Variants in TENM2 observed in about 807,000 individuals in gnomAD.
TENM2 encodes the protein teneurin-2.
TENM2 carries 52 observed loss-of-function variants against 245.2 expected under a neutral mutation model. The ratio of observed to expected loss-of-function variants is 0.21; its 90% confidence interval spans 0.17 to 0.27. The LOEUF (loss-of-function observed/expected upper bound fraction) is 0.27. TENM2 is among the 10% of genes least tolerant of loss of function. TENM2 has a pLI of 1.00. For missense variants in TENM2, 3,046 were observed against 3,666.8 expected (o/e 0.83, Z 4.37); for synonymous variants, 1,363 against 1,438.9 (o/e 0.95, Z 1.19).
the TENM2 span, among the ~76,000 whole-genome samples, chr5:167,130,243 T>C: frequency 3.3e-5 from 5 of 152,188 alleles, no homozygotes; most frequent in African/African-American, 9.7e-5. Context: ...TCTCTGGACA[T>C]AGAAATACAG....
intron 5 of TENM2, among the ~76,000 whole-genome samples, chr5:167,995,459 G>A (rs1783984439): frequency 6.6e-6 from 1 of 152,122 alleles, no homozygotes; most frequent in African/African-American, 2.4e-5. Flanking sequence ...TCAAAAAATA[G>A]TTTATGACAC....
chr5:167,403,092 A>G (rs1762448723), intron 2 of TENM2, among the ~76,000 whole-genome samples: 1 of 152,048 alleles, frequency 6.6e-6, no homozygotes, highest in Admixed American at 6.6e-5. Flanking sequence ...CTCTCTAAAG[A>G]TTTACCAGCT....
intron 3 of TENM2, chr5:167,934,755 A>G (rs1778563294): frequency 1.8e-6 from 1 of 565,424 alleles, no homozygotes; most frequent in Non-Finnish European, 2.2e-6. Flanking sequence ...CCGTCTTCCC[A>G]CAAGGAAACT....
intron 2 of TENM2, among the ~76,000 whole-genome samples, chr5:167,700,332 A>G (rs1758055127): frequency 6.6e-6 from 1 of 152,228 alleles, no homozygotes; most frequent in Admixed American, 6.5e-5. Context: ...CCTGCTAAGT[A>G]CTAGGGGTTG....
intron 2 of TENM2, among the ~76,000 whole-genome samples, chr5:167,426,688 A>C (rs930146452): frequency 6.6e-6 from 1 of 152,158 alleles, no homozygotes; most frequent in African/African-American, 2.4e-5. Context: ...GATCTGTCAG[A>C]TCTATCAAAA....
intron 1 of TENM2, among the ~76,000 whole-genome samples, chr5:167,351,529 C>T (rs1306164318): frequency 6.6e-6 from 1 of 152,176 alleles, no homozygotes; most frequent in Non-Finnish European, 1.5e-5. Context: ...TTTGCAGTGA[C>T]AGTTCTATGG....
intron 2 of TENM2, among the ~76,000 whole-genome samples, chr5:167,420,167 A>G (rs377666389): frequency 1.2e-4 from 18 of 152,346 alleles, no homozygotes; most frequent in South Asian, 4.1e-4. Context: ...CTTGGAAAGC[A>G]CGTGTCCGTG....
At chr5:167,393,835 C>T (rs1011371517) in intron 2 of TENM2, among the ~76,000 whole-genome samples, 4 of 152,024 alleles carry the variant, frequency 2.6e-5, no homozygotes, top group Non-Finnish European at 5.9e-5. Flanking sequence ...GGGACAATAG[C>T]GGTAGGAAGA....
intron 1 of TENM2, among the ~76,000 whole-genome samples, chr5:167,336,346 C>T (rs373691515): frequency 1.5e-4 from 23 of 151,576 alleles, no homozygotes; most frequent in East Asian, 1.2e-3. Context: ...CAAGCTGGGG[C>T]AGCCATAGCC....
In TENM2 at chr5:167,993,964, G is replaced by A. The variant is rs188563277; in HGVS notation, c.1186+782G>A. Among the ~76,000 whole-genome samples, 220 of 152,368 alleles carry A rather than the reference G, an allele frequency of 1.4e-3. 2 individuals carry two copies. The highest frequency in any genetic ancestry group is 5.0e-3 in the African/African-American group (207 of 41,590). On this transcript the variant is annotated intron_variant, in intron 5 of 28. Coordinates refer to ENST00000518659, the Ensembl canonical transcript of TENM2. Reference sequence around the variant, plus strand: ...CCACAGAAAGTGGCAGATGCTGAGCGCCCAGGGGCAGGGTGCCACGTGCAT... The same window carrying A: ...CCACAGAAAGTGGCAGATGCTGAGCACCCAGGGGCAGGGTGCCACGTGCAT...
chr5:168,218,892 C>T lies in TENM2; in HGVS notation c.5001C>T (p.Leu1667=), dbSNP rs775502401. 1 of 1,613,994 alleles carries T rather than the reference C, an allele frequency of 6.2e-7. No homozygotes were observed. Among genetic ancestry groups the T allele is most frequent in the South Asian group, 1.1e-5 (1 of 91,076 alleles). ...TCACCGTGGGCACCAATGGAGGCCT[C>T]AAAGTCGTGTCCACACAGAACCTGG... is the stretch of plus-strand genomic sequence containing the variant. The change falls in exon 23 of 29, where the codon CTC becomes CTT. Residue 1667 remains leucine, a synonymous_variant. Coordinates refer to ENST00000518659, the Ensembl canonical transcript of TENM2. The surrounding 1 kb of genome is among the most constrained non-coding windows in gnomAD (Gnocchi z 5.2).
intron 2 of TENM2, among the ~76,000 whole-genome samples, chr5:167,616,168 C>T (rs1425269272): frequency 6.6e-6 from 1 of 152,040 alleles, no homozygotes; most frequent in Non-Finnish European, 1.5e-5. Flanking sequence ...ATAATCACAC[C>T]CTAGTTGTTG....
chr5:167,714,727 A>G (rs1037719354), intron 2 of TENM2, among the ~76,000 whole-genome samples: 1 of 152,142 alleles, frequency 6.6e-6, no homozygotes, highest in African/African-American at 2.4e-5. Flanking sequence ...ACCAGCACCA[A>G]TCCTATGAGG....
chr5:167,273,010 A>G, the TENM2 span, among the ~76,000 whole-genome samples: 13 of 151,556 alleles, frequency 8.6e-5, no homozygotes, highest in East Asian at 9.7e-4. Context: ...ATACAATAGC[A>G]CACACACACA....
At chr5:167,730,326 A>T (rs1760332167) in intron 2 of TENM2, among the ~76,000 whole-genome samples, 1 of 152,222 alleles carries the variant, frequency 6.6e-6, no homozygotes, top group Non-Finnish European at 1.5e-5. Flanking sequence ...AGACAAAGGT[A>T]TGAGTAATAC....
the TENM2 span, among the ~76,000 whole-genome samples, chr5:167,099,072 T>C: frequency 1.3e-5 from 2 of 152,244 alleles, no homozygotes; most frequent in Non-Finnish European, 2.9e-5. Flanking sequence ...ATTTTTTTCA[T>C]CTGAAATGTT....
At chr5:167,581,985 A>G (rs1775128815) in intron 2 of TENM2, among the ~76,000 whole-genome samples, 2 of 152,184 alleles carry the variant, frequency 1.3e-5, no homozygotes, top group African/African-American at 2.4e-5. Context: ...TACATTTTAC[A>G]TGTCTTGCCT....
intron 2 of TENM2, among the ~76,000 whole-genome samples, chr5:167,615,134 C>T (rs2127757813): frequency 6.6e-6 from 1 of 152,246 alleles, no homozygotes; most frequent in Non-Finnish European, 1.5e-5. Context: ...CAGAACAAAA[C>T]ATACATTTTT....
intron 25 of TENM2, among the ~76,000 whole-genome samples, chr5:168,236,969 TATATATATATATATATATATA>T (rs1765525353): frequency 4.2e-4 from 3 of 7,164 alleles, no homozygotes; most frequent in Non-Finnish European, 7.4e-4. Flanking sequence ...TATATATATA[TATATATATATATATATATATA>T]TATATATATA....
Sources: allele counts gnomAD v4.1 joint callset (sites outside exome capture counted in the v4.1 genomes callset), GRCh38; gene constraint gnomAD v4.1.1; non-coding constraint Gnocchi (gnomAD v3.1); transcripts MANE v1.5; gene names NCBI Gene and HGNC (gene_info 2026-07-23, HGNC 2026-07-21).